C9orf153: variants seen among roughly 807,000 people sequenced by gnomAD.
C9orf153 encodes chromosome 9 open reading frame 153, also known as uncharacterized protein C9orf153.
C9orf153 carries 10 observed loss-of-function variants against 9.0 expected under a neutral mutation model. The ratio of observed to expected loss-of-function variants is 1.11; its 90% CI spans 0.69 to 1.89. The LOEUF (loss-of-function observed/expected upper bound fraction) is 1.89, where lower values mean the gene tolerates loss of function less well. C9orf153 is among the 40% of genes most tolerant of loss of function. C9orf153 has a pLI of 0.00. For missense variants in C9orf153, 108 were observed against 111.0 expected (o/e 0.97, Z 0.12); for synonymous variants, 35 against 37.3 (o/e 0.94, Z 0.23).
intron 1 of C9orf153, among the ~76,000 whole-genome samples, chr9:86,240,936 T>C (rs925864263): frequency 6.6e-6 from 1 of 151,946 alleles, no homozygotes; most frequent in South Asian, 2.1e-4. Context: ...CTGGAGCTCC[T>C]GACCTCATGA....
At chr9:86,234,741 G>A (rs1219452727) in intron 1 of C9orf153, among the ~76,000 whole-genome samples, 2 of 152,162 alleles carry the variant, frequency 1.3e-5, no homozygotes, top group Admixed American at 1.3e-4. Flanking sequence ...AAACTTTGGT[G>A]CTTTAGTGAA....
intron 1 of C9orf153, among the ~76,000 whole-genome samples, chr9:86,248,656 A>G (rs1287037327): frequency 2.0e-5 from 3 of 151,816 alleles, no homozygotes; most frequent in South Asian, 2.1e-4. Context: ...TTGGTATGAT[A>G]TTTACACCCC....
intron 1 of C9orf153, among the ~76,000 whole-genome samples, chr9:86,231,510 T>G (rs1206654045): frequency 1.3e-5 from 2 of 149,892 alleles, no homozygotes; most frequent in Non-Finnish European, 2.9e-5. Flanking sequence ...AAAACAATTA[T>G]GTTTCTCTTC....
intron 3 of C9orf153, among the ~76,000 whole-genome samples, chr9:86,222,827 G>C (rs917454426): frequency 2.3e-4 from 35 of 152,260 alleles, no homozygotes; most frequent in African/African-American, 7.9e-4. Context: ...ATTTCTGGTG[G>C]GTGACCTTAC....
intron 1 of C9orf153, chr9:86,258,406 T>G (rs1458393838): frequency 6.6e-6 from 1 of 151,632 alleles, no homozygotes; most frequent in African/African-American, 2.4e-5. Flanking sequence ...TAATCCTTCC[T>G]TTGAAGTAAT....
chr9:86,256,662 CAG>C (rs1825128468), intron 1 of C9orf153, among the ~76,000 whole-genome samples: 2 of 152,180 alleles, frequency 1.3e-5, no homozygotes, highest in Admixed American at 1.3e-4. Flanking sequence ...CAAAATTTAT[CAG>C]AGAGACAGGA....
At chr9:86,232,152 T>G (rs1451182143) in intron 1 of C9orf153, among the ~76,000 whole-genome samples, 1 of 152,190 alleles carries the variant, frequency 6.6e-6, no homozygotes, top group African/African-American at 2.4e-5. Flanking sequence ...GTTATTACAA[T>G]AGTATTGATG....
rs147232375 is a variant in C9orf153 at position 86,227,059 on chromosome 9, C to A, written c.242+796G>T. ...GGGATTACAGGCATGAGCCACCATGCCTGGCCCAACAATATATCTTTTTAA... is the reference window on the plus strand; with the variant it reads ...GGGATTACAGGCATGAGCCACCATGACTGGCCCAACAATATATCTTTTTAA... On this transcript the variant is annotated intron_variant, in intron 3 of 3. Coordinates refer to ENST00000339137, the MANE Select transcript of C9orf153 (RefSeq NM_001276366.4). 6.5e-3 allele frequency among the ~76,000 whole-genome samples: 996 copies of A among 152,336 alleles called. 6 individuals are homozygous for A. Among genetic ancestry groups the A allele is most frequent in the Non-Finnish European group, 9.1e-3 (622 of 68,032 alleles).
rs1296730289 is a variant in C9orf153 at position 86,221,660 on chromosome 9, A to G, written c.*28T>C. 2 of 1,546,714 alleles carry G rather than the reference A, an allele frequency of 1.3e-6. No individual in the cohort carries two copies. The highest frequency in any genetic ancestry group is 2.0e-5 in the Admixed American group (1 of 50,260). On this transcript the variant is annotated 3_prime_UTR_variant, in exon 4 of 4. Transcript: ENST00000339137. Reference sequence around the variant, plus strand: ...ATTTTATGTCTCCGAATGAAATTGCAGTAGTGCGCCTCCACTTCGCAAGCC... The same window carrying G: ...ATTTTATGTCTCCGAATGAAATTGCGGTAGTGCGCCTCCACTTCGCAAGCC...
chr9:86,246,842 A>G (rs1824875603), intron 1 of C9orf153, among the ~76,000 whole-genome samples: 1 of 152,152 alleles, frequency 6.6e-6, no homozygotes. Context: ...GTTATTCTCT[A>G]TAGTTTTGCT....
chr9:86,227,850 T>G lies in C9orf153; in HGVS notation c.242+5A>C. The G allele has an allele frequency of 5.0e-6, 8 of 1,607,764 alleles. No individual in the cohort carries two copies. The highest frequency in any genetic ancestry group is 6.8e-6 in the Non-Finnish European group (8 of 1,177,786). On this transcript the variant is annotated splice_donor_5th_base_variant and intron_variant, in intron 3 of 3. Coordinates refer to ENST00000339137, the MANE Select transcript of C9orf153 (RefSeq NM_001276366.4). ...GCTTGCTTCTCTTTTTTAACCACTG[T>G]GCACCTGATAACAGGTTGGAGATCT... is the stretch of plus-strand genomic sequence containing the variant.
intron 1 of C9orf153, among the ~76,000 whole-genome samples, chr9:86,249,228 C>A (rs1241176919): frequency 1.3e-5 from 2 of 152,144 alleles, no homozygotes; most frequent in Non-Finnish European, 1.5e-5. Context: ...AAATTACAAC[C>A]AAGAAAGGCC....
At chr9:86,257,886 G>C (rs1471965869) in intron 1 of C9orf153, among the ~76,000 whole-genome samples, 1 of 152,294 alleles carries the variant, frequency 6.6e-6, no homozygotes, top group South Asian at 2.1e-4. Context: ...GATGGCTTCA[G>C]GGAATGAGCG....
intron 1 of C9orf153, among the ~76,000 whole-genome samples, chr9:86,234,123 C>T (rs1410881251): frequency 2.0e-5 from 3 of 152,248 alleles, no homozygotes; most frequent in Admixed American, 1.3e-4. Flanking sequence ...TCAATGCTAC[C>T]GCAATGCCAT....
chr9:86,242,132 A>G (rs1465353790), intron 1 of C9orf153, among the ~76,000 whole-genome samples: 1 of 152,206 alleles, frequency 6.6e-6, no homozygotes, highest in Non-Finnish European at 1.5e-5. Flanking sequence ...TTTGAGCCAA[A>G]GCCTGTAGAG....
chr9:86,259,065 T>C (rs1172125569), intron 1 of C9orf153, among the ~76,000 whole-genome samples: 1 of 151,766 alleles, frequency 6.6e-6, no homozygotes, highest in Non-Finnish European at 1.5e-5. Flanking sequence ...GCTCTCATTC[T>C]GTCACCCCAG....
At chr9:86,224,940 CA>C (rs35723282) in intron 3 of C9orf153, among the ~76,000 whole-genome samples, 268 of 73,918 alleles carry the variant, frequency 3.6e-3, no homozygotes, top group Middle Eastern at 0.026. Context: ...GACTCCGTCT[CA>C]AAAAAAAAAA....
At chr9:86,256,859 A>G (rs981224849) in intron 1 of C9orf153, among the ~76,000 whole-genome samples, 1 of 152,184 alleles carries the variant, frequency 6.6e-6, no homozygotes, top group Non-Finnish European at 1.5e-5. Flanking sequence ...ATAGCCAGTC[A>G]ATAGCTTATA....
intron 3 of C9orf153, among the ~76,000 whole-genome samples, chr9:86,226,189 G>A (rs902838099): frequency 1.3e-5 from 2 of 152,114 alleles, no homozygotes; most frequent in African/African-American, 2.4e-5. Context: ...AAAGGATTTC[G>A]AAGCCTGCAT....
Sources: gnomAD v4.1 joint callset for allele counts (sites outside exome capture counted in the v4.1 genomes callset) on GRCh38, gnomAD v4.1.1 for gene constraint, MANE v1.5 for transcripts, NCBI Gene and HGNC (gene_info 2026-07-23, HGNC 2026-07-21) for gene names.